STARD13: variants seen among roughly 807,000 people sequenced by gnomAD.
STARD13 encodes the protein StAR related lipid transfer domain containing 13.
Under a neutral mutation model 106.4 loss-of-function variants are expected in STARD13, and 62 were observed. The ratio of observed to expected loss-of-function variants is 0.58; its 90% CI spans 0.48 to 0.72. STARD13 has a LOEUF of 0.72. Among genes scored for constraint, STARD13 ranks in the 30% least tolerant of loss-of-function variants. The pLI is 0.00. For missense variants in STARD13, 1,387 were observed against 1,424.0 expected, an observed-to-expected ratio of 0.97 and a Z score of 0.42; for synonymous variants, 565 against 553.0, an observed-to-expected ratio of 1.02 and a Z score of -0.31.
At chr13:33,357,277 G>A in the STARD13 span, among the ~76,000 whole-genome samples, 1 of 152,176 alleles carries the variant, frequency 6.6e-6, no homozygotes, top group Non-Finnish European at 1.5e-5. Context: ...CACCTTCCAT[G>A]GGGTAACCCT....
At chr13:33,515,021 TA>T in the STARD13 span, among the ~76,000 whole-genome samples, 6 of 152,114 alleles carry the variant, frequency 3.9e-5, no homozygotes, top group African/African-American at 1.4e-4. Flanking sequence ...AAACACCACT[TA>T]CAAAGATGTA....
the STARD13 span, among the ~76,000 whole-genome samples, chr13:33,379,599 A>C: frequency 6.6e-6 from 1 of 152,250 alleles, no homozygotes; most frequent in Non-Finnish European, 1.5e-5. Flanking sequence ...TTGTATAATT[A>C]AAATAAATAG....
intron 1 of STARD13, among the ~76,000 whole-genome samples, chr13:33,331,424 C>T (rs774614083): frequency 2.0e-5 from 3 of 152,148 alleles, no homozygotes; most frequent in African/African-American, 7.2e-5. Context: ...GCAAGCTCGG[C>T]TCACTGCAAT....
the STARD13 span, among the ~76,000 whole-genome samples, chr13:33,468,250 A>C: frequency 1.3e-5 from 2 of 152,246 alleles, no homozygotes; most frequent in Admixed American, 1.3e-4. Flanking sequence ...GATTATGATT[A>C]AAGAAATTGG....
intron 1 of STARD13, among the ~76,000 whole-genome samples, chr13:33,263,036 C>T (rs1484953760): frequency 6.6e-6 from 1 of 152,184 alleles, no homozygotes; most frequent in Non-Finnish European, 1.5e-5. Flanking sequence ...TCATCACTTA[C>T]TAGTCGTAGA....
the STARD13 span, among the ~76,000 whole-genome samples, chr13:33,359,264 G>T: frequency 6.6e-6 from 1 of 152,078 alleles, no homozygotes. Flanking sequence ...CCTGAGCCCA[G>T]CGAGACCACG....
the STARD13 span, among the ~76,000 whole-genome samples, chr13:33,524,609 A>G: frequency 3.9e-5 from 6 of 152,068 alleles, no homozygotes; most frequent in African/African-American, 7.2e-5. Flanking sequence ...AAGTTTATAA[A>G]CTAAAAGTGA....
chr13:33,391,893 A>AT, the STARD13 span, among the ~76,000 whole-genome samples: 1 of 152,068 alleles, frequency 6.6e-6, no homozygotes, highest in East Asian at 1.9e-4. Flanking sequence ...AATACTTATG[A>AT]TTTTTTGGAA....
chr13:33,168,778 A>T (rs950506817), intron 1 of STARD13, among the ~76,000 whole-genome samples: 13 of 152,246 alleles, frequency 8.5e-5, no homozygotes, highest in Non-Finnish European at 1.8e-4. Context: ...TTGAAAGCTC[A>T]GTGTCTGTGC....
intron 3 of STARD13, among the ~76,000 whole-genome samples, chr13:33,160,453 A>G (rs940111697): frequency 6.6e-6 from 1 of 152,190 alleles, no homozygotes; most frequent in African/African-American, 2.4e-5. Context: ...CTTCAGAAAA[A>G]TTAAAAACTT....
At chr13:33,562,352 T>C in the STARD13 span, among the ~76,000 whole-genome samples, 1 of 146,664 alleles carries the variant, frequency 6.8e-6, no homozygotes, top group Non-Finnish European at 1.5e-5. Context: ...TATATGACTT[T>C]CCTCACATTT....
the STARD13 span, among the ~76,000 whole-genome samples, chr13:33,483,111 G>T: frequency 3.3e-5 from 5 of 152,144 alleles, no homozygotes; most frequent in Admixed American, 6.5e-5. Flanking sequence ...GTGAGTTAAG[G>T]TTGCCAAATC....
the STARD13 span, among the ~76,000 whole-genome samples, chr13:33,589,528 C>T: frequency 6.6e-6 from 1 of 152,164 alleles, no homozygotes; most frequent in African/African-American, 2.4e-5. Context: ...CGAAGAACAT[C>T]TTTATTTCTG....
chr13:33,285,651 C>G lies in STARD13; in HGVS notation c.-13G>C. Reference sequence around the variant, plus strand: ...CCTGACTGAACATCTCGGCAGATTTCCTATTGCCACCTCAGTCTGCCTGTG... The same window carrying G: ...CCTGACTGAACATCTCGGCAGATTTGCTATTGCCACCTCAGTCTGCCTGTG... On this transcript the variant is annotated 5_prime_UTR_variant, in exon 1 of 14. Coordinates refer to ENST00000336934, the MANE Select transcript of STARD13 (RefSeq NM_178006.4). The G allele has an allele frequency of 1.9e-6, 3 of 1,611,276 alleles. No homozygotes were observed. The highest frequency in any genetic ancestry group is 2.5e-6 in the Non-Finnish European group (3 of 1,179,400).
chr13:33,295,788 GA>G (rs1026628462), intron 1 of STARD13, among the ~76,000 whole-genome samples: 1 of 152,150 alleles, frequency 6.6e-6, no homozygotes, highest in Non-Finnish European at 1.5e-5. Context: ...TGCCTAGAGG[GA>G]TGCATACCTG....
the STARD13 span, among the ~76,000 whole-genome samples, chr13:33,578,325 A>C: frequency 2.6e-5 from 4 of 152,098 alleles, no homozygotes; most frequent in African/African-American, 9.7e-5. Context: ...GGAGTAGAAT[A>C]TAGAATCTAG....
chr13:33,198,100 G>T (rs936427743), intron 1 of STARD13, among the ~76,000 whole-genome samples: 1 of 152,152 alleles, frequency 6.6e-6, no homozygotes, highest in African/African-American at 2.4e-5. Flanking sequence ...CCCAGGAGGC[G>T]GAGGTTGCAG....
chr13:33,564,857 G>T, the STARD13 span, among the ~76,000 whole-genome samples: 1 of 145,764 alleles, frequency 6.9e-6, no homozygotes, highest in Non-Finnish European at 1.5e-5. Context: ...GCCGGGCATG[G>T]TGGCACACGC....
the STARD13 span, among the ~76,000 whole-genome samples, chr13:33,639,855 GTC>G: frequency 3.3e-5 from 5 of 152,304 alleles, no homozygotes; most frequent in Non-Finnish European, 7.4e-5. Flanking sequence ...GCCACATGGA[GTC>G]TCTCTGAATC....
Sources: allele counts gnomAD v4.1 joint callset (sites outside exome capture counted in the v4.1 genomes callset), GRCh38; gene constraint gnomAD v4.1.1; transcripts MANE v1.5; gene names NCBI Gene and HGNC (gene_info 2026-07-23, HGNC 2026-07-21).